Variants in MAP3K19 observed in about 807,000 individuals in gnomAD.
MAP3K19 encodes the protein SPS1/STE20-related protein kinase YSK4.
In MAP3K19, 91 loss-of-function variants were observed where a neutral mutation model predicts 114.4. The observed-to-expected ratio is 0.80, with a 90% CI of 0.67 to 0.95. MAP3K19 has a LOEUF of 0.95. Among genes scored for constraint, MAP3K19 ranks in the 40% least tolerant of loss-of-function variants. MAP3K19 has a pLI of 0.00. For missense variants in MAP3K19, 1,471 were observed against 1,573.2 expected (o/e 0.94, Z 1.10); for synonymous variants, 518 against 530.5 (o/e 0.98, Z 0.32).
intron 3 of MAP3K19, among the ~76,000 whole-genome samples, chr2:135,028,295 C>T (rs1266512926): frequency 1.3e-5 from 2 of 152,136 alleles, no homozygotes; most frequent in African/African-American, 4.8e-5. Context: ...GTGGCTCACA[C>T]CTGTAATCCC....
At chr2:134,990,354 C>T (rs1016978477) in intron 9 of MAP3K19, among the ~76,000 whole-genome samples, 1 of 152,172 alleles carries the variant, frequency 6.6e-6, no homozygotes, top group South Asian at 2.1e-4. Flanking sequence ...TCCTCGTCCT[C>T]AGCCTATTCA....
intron 5 of MAP3K19, among the ~76,000 whole-genome samples, chr2:135,015,122 A>G (rs928785836): frequency 5.9e-5 from 9 of 152,246 alleles, no homozygotes; most frequent in African/African-American, 2.2e-4. Context: ...ACACCAAAAG[A>G]CAGCTTTCTA....
intron 11 of MAP3K19, among the ~76,000 whole-genome samples, chr2:134,982,570 G>A (rs920803274): frequency 2.6e-4 from 40 of 151,660 alleles, no homozygotes; most frequent in African/African-American, 9.5e-4. Flanking sequence ...GTCTAGTCTC[G>A]AACTCCTGAC....
At chr2:134,965,393 G>A (rs893207418) in intron 12 of MAP3K19, among the ~76,000 whole-genome samples, 7 of 152,284 alleles carry the variant, frequency 4.6e-5, no homozygotes, top group African/African-American at 1.4e-4. Flanking sequence ...AAATAATCCC[G>A]TTTTGGGCAC....
chr2:134,979,274 T>C (rs572454104), intron 12 of MAP3K19, among the ~76,000 whole-genome samples: 2 of 152,320 alleles, frequency 1.3e-5, no homozygotes, highest in South Asian at 4.1e-4. Flanking sequence ...CTCCTAATTT[T>C]GTGCCCCACA....
At chr2:135,038,608 C>T (rs1184380710) in intron 2 of MAP3K19, among the ~76,000 whole-genome samples, 1 of 152,056 alleles carries the variant, frequency 6.6e-6, no homozygotes, top group Non-Finnish European at 1.5e-5. Flanking sequence ...AATCCCAGCA[C>T]TTTGGGTGGC....
rs1298368796 is a variant in MAP3K19 at position 134,987,287 on chromosome 2, G to A, written c.1585C>T (p.His529Tyr). Reference protein sequence around the residue: ...NIPVHQENDKHKMNSHRSKLD... With the variant: ...NIPVHQENDKYKMNSHRSKLD... ...TTACTCCTATGGGAATTCATCTTAT[G>A]CTTGTCATTTTCTTGGTGTACAGGT... Residue 529 changes from histidine to tyrosine, a missense_variant, in exon 10 of 13, where the codon CAT (histidine) becomes TAT (tyrosine). Coordinates refer to ENST00000392915, the MANE Select transcript of MAP3K19 (RefSeq NM_025052.5). The A allele has an allele frequency of 1.3e-5, 21 of 1,613,952 alleles. No homozygotes were observed. The highest frequency in any genetic ancestry group is 1.6e-5 in the Non-Finnish European group (19 of 1,180,038).
At chr2:135,034,491 AC>A (rs1688479626) in intron 2 of MAP3K19, among the ~76,000 whole-genome samples, 1 of 129,996 alleles carries the variant, frequency 7.7e-6, no homozygotes, top group Admixed American at 8.0e-5. Context: ...AGCCGAGATC[AC>A]GCCACTGCAC....
intron 5 of MAP3K19, among the ~76,000 whole-genome samples, chr2:135,016,383 C>G: frequency 6.6e-6 from 1 of 152,138 alleles, no homozygotes; most frequent in East Asian, 1.9e-4. Flanking sequence ...ATATTTCTAG[C>G]AATATCACAC....
intron 12 of MAP3K19, among the ~76,000 whole-genome samples, chr2:134,977,553 A>G (rs950431211): frequency 6.6e-6 from 1 of 151,800 alleles, no homozygotes; most frequent in East Asian, 1.9e-4. Flanking sequence ...TAGTGGAGAC[A>G]GGGTTTCACC....
At chr2:134,973,427 A>C (rs1333992203) in intron 12 of MAP3K19, among the ~76,000 whole-genome samples, 1 of 152,164 alleles carries the variant, frequency 6.6e-6, no homozygotes. Context: ...TCTGATATGA[A>C]TATAGCTACT....
intron 1 of MAP3K19, among the ~76,000 whole-genome samples, chr2:135,046,019 G>A (rs192202757): frequency 6.6e-6 from 1 of 152,234 alleles, no homozygotes; most frequent in Non-Finnish European, 1.5e-5. Flanking sequence ...CAAACTCCTA[G>A]GTTTAAGGGA....
At chr2:135,022,319 C>G (rs974405216) in intron 4 of MAP3K19, among the ~76,000 whole-genome samples, 4 of 152,112 alleles carry the variant, frequency 2.6e-5, no homozygotes, top group African/African-American at 9.7e-5. Context: ...AACTTTTTAA[C>G]CATTAAAGCC....
intron 12 of MAP3K19, among the ~76,000 whole-genome samples, 176 bp from the exon 13 acceptor site, chr2:134,965,092 C>G (rs189775764): frequency 9.7e-4 from 147 of 152,328 alleles, no homozygotes; most frequent in African/African-American, 3.4e-3. Flanking sequence ...GTGACTAAAA[C>G]TCTCTTCATC....
intron 3 of MAP3K19, among the ~76,000 whole-genome samples, chr2:135,025,480 G>T (rs1237049869): frequency 3.4e-5 from 5 of 148,234 alleles, no homozygotes; most frequent in Non-Finnish European, 7.4e-5. Flanking sequence ...CTGCCTCCCG[G>T]GTTCACGCCA....
chr2:134,991,580 T>C lies in MAP3K19; in HGVS notation c.575A>G (p.Glu192Gly), dbSNP rs755501299. ...GTACTTCATATGAGAGGTCGAAAAC[T>C]CTACAACAAGAAAAACAATAACTGG... ...FLKEQQRKSE[E>G]FSTSHMKYSG... The change falls in exon 9 of 13, where the codon GAG becomes GGG. Residue 192 changes from glutamate (E) to glycine (G), a missense_variant and splice_region_variant. Coordinates refer to ENST00000392915, the MANE Select transcript of MAP3K19 (RefSeq NM_025052.5). 10 of 1,611,126 alleles carry C rather than the reference T, an allele frequency of 6.2e-6. No individual in the cohort carries two copies. The South Asian group carries it at 1.1e-4, about 18-fold the overall frequency.
At chr2:135,005,673 A>G (rs1686762229) in intron 5 of MAP3K19, 142 bp from the exon 6 acceptor site, 2 of 643,242 alleles carry the variant, frequency 3.1e-6, no homozygotes, top group South Asian at 3.7e-5. Context: ...GGACTAAAAT[A>G]ATAAGAAAGT....
At chr2:135,008,768 G>T (rs2105326153) in intron 5 of MAP3K19, among the ~76,000 whole-genome samples, 1 of 151,614 alleles carries the variant, frequency 6.6e-6, no homozygotes, top group Admixed American at 6.6e-5. Flanking sequence ...TCTTTTCACA[G>T]GTGTTTATAT....
intron 1 of MAP3K19, among the ~76,000 whole-genome samples, chr2:135,045,492 T>C (rs1423832014): frequency 5.9e-5 from 9 of 152,236 alleles, no homozygotes; most frequent in African/African-American, 1.2e-4. Flanking sequence ...AAACAAAGGA[T>C]AATTAAAACT....
Sources: allele counts gnomAD v4.1 joint callset (sites outside exome capture counted in the v4.1 genomes callset), GRCh38; gene constraint gnomAD v4.1.1; transcripts MANE v1.5; gene names NCBI Gene and HGNC (gene_info 2026-07-23, HGNC 2026-07-21).